The following ADCY2 variants were observed in gnomAD, a reference collection of about 807,000 sequenced individuals.
The protein encoded by ADCY2 is adenylate cyclase type 2.
Under a neutral mutation model 125.2 loss-of-function variants are expected in ADCY2, and 31 were observed. The observed-to-expected ratio is 0.25, with a 90% confidence interval of 0.19 to 0.33. The LOEUF is 0.33. Among genes scored for constraint, ADCY2 ranks in the 10% least tolerant of loss-of-function variants. The pLI, the probability that ADCY2 is intolerant of heterozygous loss-of-function variation, is 1.00. For missense variants in ADCY2, 904 were observed against 1,418.2 expected (o/e 0.64, Z 5.82); for synonymous variants, 512 against 548.4 (o/e 0.93, Z 0.93).
rs1561059004 is a variant in ADCY2, at chr5:7,499,662, TA to T, written c.409-21075del. On this transcript the variant is annotated intron_variant, in intron 2 of 24. Transcript: ENST00000338316. Reference sequence around the variant, plus strand: ...ATATGTGGGTGGATATATATATATATATATATATATATATATATATGTATAT... The same window carrying T: ...ATATGTGGGTGGATATATATATATATTATATATATATATATATATGTATAT... 3.2e-3 allele frequency among the ~76,000 whole-genome samples: 377 copies of T among 118,984 alleles called. 6 individuals carry two copies. The highest frequency in any genetic ancestry group is 3.4e-3 in the Non-Finnish European group (167 of 49,700). 78.1% of individuals were successfully genotyped at this position (118,984 alleles called of 152,430 possible).
chr5:7,539,793 T>A (rs183752189), intron 3 of ADCY2, among the ~76,000 whole-genome samples: 2 of 152,332 alleles, frequency 1.3e-5, no homozygotes, highest in African/African-American at 4.8e-5. Flanking sequence ...GGTGTGACTG[T>A]TGGCCAACAA....
At chr5:7,441,353 C>T (rs377136104) in intron 2 of ADCY2, among the ~76,000 whole-genome samples, 10 of 152,070 alleles carry the variant, frequency 6.6e-5, no homozygotes, top group African/African-American at 2.2e-4. Context: ...TTAATGCCTT[C>T]GAGTGAAGAT....
chr5:7,619,488 T>TA (rs972788161), intron 3 of ADCY2, among the ~76,000 whole-genome samples: 2 of 152,206 alleles, frequency 1.3e-5, no homozygotes, highest in Non-Finnish European at 2.9e-5. Context: ...CATAAAGGAC[T>TA]AAAAAATCTC....
At chr5:7,561,382 T>C (rs1275353336) in intron 3 of ADCY2, among the ~76,000 whole-genome samples, 2 of 152,200 alleles carry the variant, frequency 1.3e-5, no homozygotes, top group African/African-American at 4.8e-5. Flanking sequence ...TATAAACATA[T>C]GCAGCATGTT....
chr5:7,736,598 G>A (rs1002745922), intron 14 of ADCY2, among the ~76,000 whole-genome samples: 1 of 152,086 alleles, frequency 6.6e-6, no homozygotes, highest in East Asian at 1.9e-4. Flanking sequence ...GCTCTTCACT[G>A]TGTCCAGCAT....
chr5:7,623,996 G>T (rs1393486436), intron 3 of ADCY2, among the ~76,000 whole-genome samples: 1 of 152,210 alleles, frequency 6.6e-6, no homozygotes, highest in Non-Finnish European at 1.5e-5. Flanking sequence ...CTCTAAGAAT[G>T]TGGGTGCGTT....
intron 3 of ADCY2, among the ~76,000 whole-genome samples, chr5:7,596,734 T>C (rs1737018350): frequency 6.6e-6 from 1 of 152,220 alleles, no homozygotes; most frequent in South Asian, 2.1e-4. Context: ...CCCACCTGTG[T>C]TGTTGCTGTT....
intron 2 of ADCY2, among the ~76,000 whole-genome samples, chr5:7,495,273 C>G (rs1231054904): frequency 1.3e-5 from 2 of 152,140 alleles, no homozygotes; most frequent in Non-Finnish European, 2.9e-5. Flanking sequence ...TTCGTGGGAA[C>G]TTGTGCCCTT....
intron 16 of ADCY2, among the ~76,000 whole-genome samples, chr5:7,758,856 CAA>C (rs1455019628): frequency 6.6e-6 from 1 of 152,114 alleles, no homozygotes; most frequent in Non-Finnish European, 1.5e-5. Context: ...GCATCTGGGA[CAA>C]GAGTAGAAAT....
Position 7,603,788 on chromosome 5 carries a change from TTTTTTTTTTTTTTTTTTTTTTCTTTTG to T in ADCY2, c.571-22365_571-22339del, listed in dbSNP as rs754747896. ...TTCTGGGGTAATGCTCTCTTTCTTT[TTTTTTTTTTTTTTTTTTTTTTCTTTTG>T]TTTTTTTTTTTTTATTATACTCTAA... On this transcript the variant is annotated intron_variant, in intron 3 of 24. Transcript: ENST00000338316. Among the ~76,000 whole-genome samples, 821 of 131,800 alleles carry T rather than the reference TTTTTTTTTTTTTTTTTTTTTTCTTTTG, an allele frequency of 6.2e-3. 1 individual carries two copies. The highest frequency in any genetic ancestry group is 0.012 in the Middle Eastern group (3 of 260). The allele number at this position is 131,800 out of a possible 152,430, so 86.5% of individuals were successfully genotyped here.
intron 2 of ADCY2, among the ~76,000 whole-genome samples, chr5:7,517,558 G>A (rs952321578): frequency 5.3e-5 from 8 of 152,162 alleles, no homozygotes; most frequent in South Asian, 2.1e-4. Flanking sequence ...CCTGCCTGCC[G>A]AACACTCCCC....
At chr5:7,486,316 G>A (rs1462091313) in intron 2 of ADCY2, among the ~76,000 whole-genome samples, 4 of 152,232 alleles carry the variant, frequency 2.6e-5, no homozygotes, top group African/African-American at 9.6e-5. Flanking sequence ...ACACACAGGA[G>A]TTAACATGCA....
intron 15 of ADCY2, among the ~76,000 whole-genome samples, chr5:7,744,775 A>G (rs1208262540): frequency 6.6e-6 from 1 of 152,282 alleles, no homozygotes; most frequent in African/African-American, 2.4e-5. Flanking sequence ...AAAAATTTTT[A>G]CATGATAATT....
chr5:7,755,025 A>G (rs1742944926), intron 15 of ADCY2, among the ~76,000 whole-genome samples: 1 of 152,216 alleles, frequency 6.6e-6, no homozygotes. Flanking sequence ...CTGACCCTCT[A>G]AGATGCTGCA....
At chr5:7,634,703 G>GTT (rs11362995) in intron 4 of ADCY2, among the ~76,000 whole-genome samples, 80 of 145,170 alleles carry the variant, frequency 5.5e-4, no homozygotes, top group East Asian at 4.4e-3. Flanking sequence ...AAATTTACAG[G>GTT]TTTTTTTTTT....
chr5:7,789,858 T>G (rs1393288789), intron 20 of ADCY2, 58 bp downstream of exon 20: 2 of 1,388,284 alleles, frequency 1.4e-6, no homozygotes, highest in East Asian at 5.0e-5. Context: ...ATGACCTGGG[T>G]GAGGGCTGAA....
chr5:7,693,504 C>T (rs578260143), intron 5 of ADCY2, among the ~76,000 whole-genome samples: 4 of 150,392 alleles, frequency 2.7e-5, no homozygotes, highest in East Asian at 1.9e-4. Context: ...CTGCAACCTC[C>T]GCCTGCCGGG....
At chr5:7,752,873 C>CA (rs543140636) in intron 15 of ADCY2, among the ~76,000 whole-genome samples, 114 of 147,222 alleles carry the variant, frequency 7.7e-4, no homozygotes, top group Middle Eastern at 3.6e-3. Flanking sequence ...TCCCCATCAT[C>CA]AATTCTATGA....
chr5:7,669,506 G>A (rs573748616), intron 4 of ADCY2, among the ~76,000 whole-genome samples: 4 of 152,314 alleles, frequency 2.6e-5, no homozygotes, highest in Non-Finnish European at 4.4e-5. Flanking sequence ...AGGAATTTAC[G>A]TTTTACCATT....
Sources: gnomAD v4.1 joint callset for allele counts (sites outside exome capture counted in the v4.1 genomes callset) on GRCh38, gnomAD v4.1.1 for gene constraint, MANE v1.5 for transcripts, NCBI Gene and HGNC (gene_info 2026-07-23, HGNC 2026-07-21) for gene names.